The following RNF213 variants were observed in gnomAD, a reference collection of about 807,000 sequenced individuals.
The protein encoded by RNF213 is E3 ubiquitin-protein ligase RNF213.
A neutral mutation model predicts 514.4 loss-of-function variants in RNF213; 341 were observed. The ratio of observed to expected loss-of-function variants is 0.66; its 90% confidence interval spans 0.61 to 0.73. The LOEUF is 0.73. Ranked by LOEUF, RNF213 falls within the 30% of genes least tolerant of loss-of-function variation. RNF213 has a pLI of 0.00. For missense variants in RNF213, 5,767 were observed against 6,615.6 expected, an observed-to-expected ratio of 0.87 and a Z score of 4.45; for synonymous variants, 2,655 against 2,658.2, an observed-to-expected ratio of 1.00 and a Z score of 0.04.
At chr17:80,306,220 C>G (rs1342726375) in intron 11 of RNF213, 32 bp from the exon 12 acceptor site, 5 of 1,601,610 alleles carry the variant, frequency 3.1e-6, no homozygotes, top group African/African-American at 2.7e-5. Flanking sequence ...CTCACTGCGT[C>G]TCTTTTCTCC....
In RNF213 at chr17:80,369,809, G is replaced by A. The variant is rs2079444106; in HGVS notation, c.12367G>A (p.Val4123Ile). 1.9e-6 allele frequency: 3 copies of A among 1,613,986 alleles called. No homozygotes were observed. Among genetic ancestry groups the A allele is most frequent in the Non-Finnish European group, 2.5e-6 (3 of 1,179,884 alleles). Reference protein sequence around the residue: ...HTKSLSPFNDVVDKTPVIRSV... With the variant: ...HTKSLSPFNDIVDKTPVIRSV... ...AAAATCTCTCTCTCCATTCAATGAT[G>A]TTGTGGATAAGACTCCTGTCATCCG... Residue 4123 changes from valine (V) to isoleucine (I), a missense_variant, in exon 46 of 68, where the codon GTT becomes ATT. By Grantham distance (29) the Val-to-Ile change is conservative. Coordinates refer to ENST00000582970, the MANE Select transcript of RNF213 (RefSeq NM_001256071.3).
Position 80,346,036 on chromosome 17 carries a change from G to A in RNF213, c.7701G>A (p.Arg2567=). ...GSIPLRQLVY[R]VHALPPSLIP... is the part of the protein sequence containing the mutation. The stretch of plus-strand genomic sequence containing the variant: ...TTCCTCTGAGGCAGCTGGTATACCG[G>A]GTCCATGCTCTGCCCCCGAGCCTGA... The change falls in exon 29 of 68, where the codon CGG becomes CGA. Residue 2567 remains arginine (R), a synonymous_variant. Coordinates refer to ENST00000582970, the MANE Select transcript of RNF213 (RefSeq NM_001256071.3). The surrounding 1 kb of genome is among the most constrained non-coding windows in gnomAD (Gnocchi z 8.1). 6.2e-7 allele frequency: 1 copy of A among 1,614,140 alleles called. No homozygotes were observed. The highest frequency in any genetic ancestry group is 1.1e-5 in the South Asian group (1 of 91,080).
intron 40 of RNF213, 114 bp from the exon 41 acceptor site, chr17:80,363,495 A>G (rs1163140875): frequency 1.5e-6 from 2 of 1,328,266 alleles, no homozygotes; most frequent in Non-Finnish European, 2.1e-6. Context: ...CTAGACAATG[A>G]AAGTTTAGGT....
rs1199290399 is a variant in RNF213, at chr17:80,396,688, G to C, written c.*3190G>C. On this transcript the variant is annotated 3_prime_UTR_variant, in exon 68 of 68. Transcript: ENST00000582970. The stretch of plus-strand genomic sequence containing the variant: ...TTCAACCATTACCATTACGAATCCC[G>C]TTTCCAGCTGGAAAAACAAGCGCCA... The C allele has an allele frequency of 7.4e-6, 1 of 134,822 alleles. No homozygotes were observed. Among genetic ancestry groups the C allele is most frequent in the African/African-American group, 2.7e-5 (1 of 36,622 alleles). 8.4% of individuals were successfully genotyped at this position (134,822 alleles called of 1,614,324 possible).
chr17:80,333,135 G>A (rs1174347393), intron 21 of RNF213, among the ~76,000 whole-genome samples: 3 of 150,922 alleles, frequency 2.0e-5, no homozygotes, highest in East Asian at 2.0e-4. Context: ...TGCAAGCTTC[G>A]CCTCCCAGGT....
chr17:80,390,203 A>G lies in RNF213; in HGVS notation c.15470+7A>G. 6.2e-7 allele frequency: 1 copy of G among 1,613,828 alleles called. No homozygotes were observed. The highest frequency in any genetic ancestry group is 8.5e-7 in the Non-Finnish European group (1 of 1,179,928). On this transcript the variant is annotated splice_region_variant and intron_variant, in intron 67 of 67. Transcript: ENST00000582970. ...GCTTCCGCCCTCAGTGGAGGTATGGATTTGCACACCTATGGGGCGGGGCAG... is the reference window on the plus strand; with the variant it reads ...GCTTCCGCCCTCAGTGGAGGTATGGGTTTGCACACCTATGGGGCGGGGCAG...
chr17:80,359,524 C>CAAAAAA (rs559552051), intron 37 of RNF213, among the ~76,000 whole-genome samples: 2 of 32,486 alleles, frequency 6.2e-5, no homozygotes, highest in African/African-American at 1.4e-4. Context: ...GACTCTATCT[C>CAAAAAA]AAAAAAAAAA....
intron 3 of RNF213, among the ~76,000 whole-genome samples, chr17:80,274,108 G>A (rs148984748): frequency 9.2e-5 from 14 of 152,234 alleles, no homozygotes; most frequent in Non-Finnish European, 1.3e-4. Context: ...CGCTGGGTGC[G>A]TGTCTTGCGC....
chr17:80,372,884 G>C, intron 48 of RNF213, 91 bp from the exon 49 acceptor site: 1 of 1,419,620 alleles, frequency 7.0e-7, no homozygotes, highest in African/African-American at 1.4e-5. Context: ...AATGCCTGTG[G>C]GTAGGTCCGA....
intron 58 of RNF213, 148 bp downstream of exon 58, chr17:80,383,218 C>G (rs571958147): frequency 1.7e-5 from 12 of 687,182 alleles, no homozygotes; most frequent in Non-Finnish European, 2.9e-5. Flanking sequence ...CTCCCCACCT[C>G]GAGTCACTCC....
At chr17:80,371,568 A>G (rs2079519138) in intron 46 of RNF213, 1 of 200,026 alleles carries the variant, frequency 5.0e-6, no homozygotes, top group South Asian at 1.2e-4. Context: ...ATGTCTCATA[A>G]TTCCTAATAT....
intron 22 of RNF213, among the ~76,000 whole-genome samples, chr17:80,334,657 C>T (rs1391048821): frequency 2.6e-5 from 4 of 151,512 alleles, no homozygotes; most frequent in East Asian, 1.9e-4. Flanking sequence ...GACAGAGTCT[C>T]GCTCTGTCGC....
rs894471647 is a variant in RNF213 at position 80,328,183 on chromosome 17, G to A, written c.3368-145G>A. On this transcript the variant is annotated intron_variant, in intron 19 of 67. Transcript: ENST00000582970. The stretch of plus-strand genomic sequence containing the variant: ...CATCACGGGAAAGTGATAAAATAAT[G>A]GCCATCTCGAAAAAGTGGGTATGCG... The A allele has an allele frequency of 1.1e-5, 12 of 1,132,028 alleles. No homozygotes were observed. In the African/African-American group the frequency reaches 1.3e-4, roughly 12 times the overall value. The allele number at this position is 1,132,028 out of a possible 1,614,324, so 70.1% of individuals were successfully genotyped here.
Position 80,385,099 on chromosome 17 carries a change from G to A in RNF213, c.14383G>A (p.Val4795Met). Residue 4795 changes from valine to methionine, a missense_variant, in exon 60 of 68, where the codon GTG becomes ATG. By Grantham distance (21) the Val-to-Met change is conservative. Transcript: ENST00000582970. Reference sequence around the variant, plus strand: ...GATTTTGGCCTTGCAAAGGGATCTAGTGAAGCAGTTCCAGAACGTCCAGCA... The same window carrying A: ...GATTTTGGCCTTGCAAAGGGATCTAATGAAGCAGTTCCAGAACGTCCAGCA... ...PEILALQRDL[V>M]KQFQNVQQVE... The A allele has an allele frequency of 6.2e-7, 1 of 1,614,192 alleles. No individual in the cohort carries two copies. Among genetic ancestry groups the A allele is most frequent in the African/African-American group, 1.3e-5 (1 of 75,058 alleles).
rs1183294600 is a variant in RNF213 at position 80,288,142 on chromosome 17, C to T, written c.589C>T (p.Gln197Ter). 1.2e-6 allele frequency: 2 copies of T among 1,609,976 alleles called. No individual in the cohort carries two copies. The highest frequency in any genetic ancestry group is 8.5e-7 in the Non-Finnish European group (1 of 1,177,416). The change falls in exon 4 of 68, where the codon CAG becomes TAG. Residue 197 changes from glutamine to a stop codon, truncating the protein, a stop_gained. Coordinates refer to ENST00000582970, the MANE Select transcript of RNF213 (RefSeq NM_001256071.3). LOFTEE classifies it high-confidence loss of function. This position sits in a 1 kb window ranked among gnomAD's most constrained non-coding sequence, Gnocchi z 4.9. ...GSEAQSSPQF[Q>*]DHTEGEDQDA... Reference sequence around the variant, plus strand: ...TGAGGCTCAGAGCAGCCCGCAATTCCAGGACCACACGGAAGGGGAGGACCA... The same window carrying T: ...TGAGGCTCAGAGCAGCCCGCAATTCTAGGACCACACGGAAGGGGAGGACCA...
Position 80,288,061 on chromosome 17 carries a change from G to T in RNF213, c.508G>T (p.Gly170Cys). 1 of 1,608,312 alleles carries T rather than the reference G, an allele frequency of 6.2e-7. No homozygotes were observed. Among genetic ancestry groups the T allele is most frequent in the Non-Finnish European group, 8.5e-7 (1 of 1,176,948 alleles). The change falls in exon 4 of 68, where the codon GGC becomes TGC. Residue 170 changes from glycine to cysteine, a missense_variant. By Grantham distance (159) the Gly-to-Cys change is radical. Around this residue, in one of 13 missense-constraint regions of RNF213, gnomAD observed 509 missense variants for 496.7 expected, o/e 1.02. Coordinates refer to ENST00000582970, the MANE Select transcript of RNF213 (RefSeq NM_001256071.3). The surrounding 1 kb of genome is among the most constrained non-coding windows in gnomAD (Gnocchi z 4.9). ...GDGLSAPTEV[G>C]DSPLQAQALG... is the part of the protein sequence containing the mutation. ...CGGCCTCTCCGCGCCCACCGAGGTT[G>T]GCGACAGCCCCCTGCAGGCCCAGGC...
At position 80,368,064 on chromosome 17, in the gene RNF213, G is replaced by A. The variant is rs1226011077; in HGVS notation, c.12076G>A (p.Ala4026Thr). ...CCTGCGCTGCCTCAGGGCCTGGTTT[G>A]CCTCAGAGCAGATGATATGCCCCTA... ...HCLRCLRAWF[A>T]SEQMICPYCL... is the part of the protein sequence containing the mutation. The change falls in exon 44 of 68, where the codon GCC becomes ACC. Residue 4026 changes from alanine to threonine, a missense_variant. Transcript: ENST00000582970. 1 of 1,614,148 alleles carries A rather than the reference G, an allele frequency of 6.2e-7. No individual in the cohort carries two copies. The highest frequency in any genetic ancestry group is 1.7e-5 in the Admixed American group (1 of 60,014).
chr17:80,298,388 G>T lies in RNF213; in HGVS notation c.2080G>T (p.Ala694Ser). The T allele has an allele frequency of 6.2e-7, 1 of 1,614,180 alleles. No homozygotes were observed. Among genetic ancestry groups the T allele is most frequent in the Non-Finnish European group, 8.5e-7 (1 of 1,180,042 alleles). Residue 694 changes from alanine (A) to serine (S), a missense_variant, in exon 11 of 68, where the codon GCC becomes TCC. By Grantham distance (99) the Ala-to-Ser change is moderately conservative. Transcript: ENST00000582970. ...CACAAGGACGTACACCTGGCTGGGC[G>T]CCCTGCCTGTCCTGCACTGCTGTAT... ...MDTRTYTWLGALPVLHCCMEL... is the reference protein window; with the variant it reads ...MDTRTYTWLGSLPVLHCCMEL...
chr17:80,299,301 G>T (rs971758126), intron 11 of RNF213, among the ~76,000 whole-genome samples: 1 of 152,136 alleles, frequency 6.6e-6, no homozygotes, highest in Non-Finnish European at 1.5e-5. Flanking sequence ...GTGCAGTTTC[G>T]TTTTTTCAGC....
Sources: allele counts gnomAD v4.1 joint callset (sites outside exome capture counted in the v4.1 genomes callset), GRCh38; gene constraint gnomAD v4.1.1; regional missense constraint gnomAD v4.1.1; non-coding constraint Gnocchi (gnomAD v3.1); transcripts MANE v1.5; gene names NCBI Gene and HGNC (gene_info 2026-07-23, HGNC 2026-07-21).